Variants in SLC16A7 observed in about 807,000 individuals in gnomAD.
The protein encoded by SLC16A7 is monocarboxylate transporter 2.
Under a neutral mutation model 34.9 loss-of-function variants are expected in SLC16A7, and 33 were observed. That is an observed-to-expected ratio of 0.94 (90% CI 0.72 to 1.26). SLC16A7 has a LOEUF of 1.26. SLC16A7 is among the 50% of genes most tolerant of loss of function. The pLI is 0.00. For missense variants in SLC16A7, 573 were observed against 578.1 expected (o/e 0.99, Z 0.09); for synonymous variants, 201 against 206.6 (o/e 0.97, Z 0.23).
rs570441688 is a variant in SLC16A7, at chr12:59,673,861, T to A, written c.-31+18611T>A. Among the ~76,000 whole-genome samples, 26 of 152,270 alleles carry A rather than the reference T, an allele frequency of 1.7e-4. No individual in the cohort carries two copies. The East Asian group carries it at 5.0e-3, about 29-fold the overall frequency. ...TGTTAGTTCTCCAAGGATATCATCA[T>A]CTCTCTTGAGAGGAATTTTTGCAAA... On this transcript the variant is annotated intron_variant, in intron 2 of 5. Transcript: ENST00000547379.
At chr12:59,691,950 A>G (rs926971919) in intron 2 of SLC16A7, among the ~76,000 whole-genome samples, 2 of 151,946 alleles carry the variant, frequency 1.3e-5, no homozygotes, top group Non-Finnish European at 2.9e-5. Flanking sequence ...CACCACTACT[A>G]CTATACTAGT....
intron 1 of SLC16A7, among the ~76,000 whole-genome samples, chr12:59,609,499 G>T (rs1488817458): frequency 4.7e-5 from 7 of 149,800 alleles, no homozygotes; most frequent in Non-Finnish European, 1.0e-4. Flanking sequence ...AAGATTGAGA[G>T]ATGTGGGTCG....
rs751315636 is a variant in SLC16A7 at position 59,771,205 on chromosome 12, C to T, written c.218-14C>T. 6.2e-7 allele frequency: 1 copy of T among 1,603,438 alleles called. No individual in the cohort carries two copies. Among genetic ancestry groups the T allele is most frequent in the Non-Finnish European group, 8.5e-7 (1 of 1,175,846 alleles). ...AGAGCAACTGAGTATTTCTTTATCT[C>T]CTCTCTGCTGTAGGTCCTGTAAGTA... On this transcript the variant is annotated splice_polypyrimidine_tract_variant and intron_variant, in intron 3 of 5. Coordinates refer to ENST00000547379, the MANE Select transcript of SLC16A7 (RefSeq NM_001270623.2).
At chr12:59,768,458 G>A (rs529774877) in intron 3 of SLC16A7, 3 of 242,422 alleles carry the variant, frequency 1.2e-5, no homozygotes, top group African/African-American at 6.8e-5. Context: ...AGCCAAGAAA[G>A]TGGTTTCTTG....
chr12:59,671,800 T>C (rs184308983), intron 2 of SLC16A7, among the ~76,000 whole-genome samples: 7 of 142,430 alleles, frequency 4.9e-5, no homozygotes, highest in African/African-American at 1.3e-4. Context: ...TGTATATATG[T>C]ATATATGTGT....
At chr12:59,725,989 A>C (rs1876187878) in intron 3 of SLC16A7, among the ~76,000 whole-genome samples, 1 of 152,168 alleles carries the variant, frequency 6.6e-6, no homozygotes, top group Non-Finnish European at 1.5e-5. Context: ...AGGAAGTCAC[A>C]GACTGAACTT....
intron 5 of SLC16A7, among the ~76,000 whole-genome samples, chr12:59,778,100 C>A (rs1592701554): frequency 6.6e-6 from 1 of 151,948 alleles, no homozygotes; most frequent in East Asian, 1.9e-4. Flanking sequence ...GTGAATAGTG[C>A]CGCAATAAAA....
At chr12:59,732,695 T>C (rs1306248037) in intron 3 of SLC16A7, among the ~76,000 whole-genome samples, 1 of 152,196 alleles carries the variant, frequency 6.6e-6, no homozygotes, top group African/African-American at 2.4e-5. Context: ...TCTGAGGGAC[T>C]TCATAAGAGT....
chr12:59,747,872 C>G (rs899020062), intron 3 of SLC16A7, among the ~76,000 whole-genome samples: 1 of 152,166 alleles, frequency 6.6e-6, no homozygotes, highest in Non-Finnish European at 1.5e-5. Context: ...GATCCTACAA[C>G]AATCTGTGAA....
intron 3 of SLC16A7, among the ~76,000 whole-genome samples, chr12:59,748,276 C>G: frequency 6.6e-6 from 1 of 152,160 alleles, no homozygotes; most frequent in East Asian, 1.9e-4. Flanking sequence ...CTACAGGCCA[C>G]CATCCACAGT....
At chr12:59,733,862 C>T (rs940233834) in intron 3 of SLC16A7, 1 of 455,030 alleles carries the variant, frequency 2.2e-6, no homozygotes, top group Admixed American at 2.4e-5. Context: ...GGCAGGTCGT[C>T]CTGACTAGCT....
chr12:59,686,095 CTTTT>C (rs572779305), intron 2 of SLC16A7, among the ~76,000 whole-genome samples: 4 of 93,524 alleles, frequency 4.3e-5, no homozygotes, highest in Non-Finnish European at 4.2e-5. Context: ...AAGAACTTTT[CTTTT>C]TTTTTTTTTT....
intron 2 of SLC16A7, among the ~76,000 whole-genome samples, chr12:59,687,092 A>G (rs1871220521): frequency 6.6e-6 from 1 of 151,930 alleles, no homozygotes. Flanking sequence ...ATAAAATCAT[A>G]TAAACTAAAA....
At chr12:59,619,500 A>G (rs1166600010) in intron 1 of SLC16A7, among the ~76,000 whole-genome samples, 1 of 152,062 alleles carries the variant, frequency 6.6e-6, no homozygotes, top group Non-Finnish European at 1.5e-5. Context: ...AAATACATGT[A>G]ATGTGAATTC....
chr12:59,630,822 A>G (rs1191184916), intron 1 of SLC16A7, among the ~76,000 whole-genome samples: 1 of 151,938 alleles, frequency 6.6e-6, no homozygotes, highest in Non-Finnish European at 1.5e-5. Flanking sequence ...AATGATTAAA[A>G]TCAGTGGTTT....
rs1019887991 is a variant in SLC16A7, at chr12:59,788,448, A to G, written c.*8769A>G. ...AAATGATCATATTGCCACATGGTCT[A>G]TCAACTATGGTTACTATGATAGTGA... On this transcript the variant is annotated 3_prime_UTR_variant, in exon 6 of 6. Coordinates refer to ENST00000547379, the MANE Select transcript of SLC16A7 (RefSeq NM_001270623.2). The G allele has an allele frequency of 4.6e-5, 7 of 152,118 alleles. No individual in the cohort carries two copies. Among genetic ancestry groups the G allele is most frequent in the African/African-American group, 1.7e-4 (7 of 41,452 alleles). The allele number at this position is 152,118 out of a possible 1,614,324, so 9.4% of individuals were successfully genotyped here. A position where few individuals can be genotyped will look rare whatever the true frequency, so the allele number is the denominator to read the frequency against.
At chr12:59,678,629 C>T (rs574287971) in intron 2 of SLC16A7, among the ~76,000 whole-genome samples, 1 of 152,132 alleles carries the variant, frequency 6.6e-6, no homozygotes, top group Non-Finnish European at 1.5e-5. Flanking sequence ...GAAGTGCCTC[C>T]TGATTGGCTC....
At chr12:59,747,136 G>T (rs937568155) in intron 3 of SLC16A7, among the ~76,000 whole-genome samples, 2 of 152,156 alleles carry the variant, frequency 1.3e-5, no homozygotes, top group Non-Finnish European at 2.9e-5. Flanking sequence ...CTGGCCTATT[G>T]TGTTCTAAAA....
At chr12:59,721,057 C>G (rs1875519306) in intron 3 of SLC16A7, among the ~76,000 whole-genome samples, 1 of 151,996 alleles carries the variant, frequency 6.6e-6, no homozygotes, top group African/African-American at 2.4e-5. Context: ...TTACTAATCT[C>G]TTTAATTGAT....
Sources: allele counts gnomAD v4.1 joint callset (sites outside exome capture counted in the v4.1 genomes callset), GRCh38; gene constraint gnomAD v4.1.1; transcripts MANE v1.5; gene names NCBI Gene and HGNC (gene_info 2026-07-23, HGNC 2026-07-21).